Variants in AGAP1 observed in about 807,000 individuals in gnomAD.
The protein encoded by AGAP1 is arf-GAP with GTPase, ANK repeat and PH domain-containing protein 1.
Under a neutral mutation model 105.3 loss-of-function variants are expected in AGAP1, and 29 were observed. That is an observed-to-expected ratio of 0.28 (90% CI 0.21 to 0.38). AGAP1 has a LOEUF of 0.38. Ranked by LOEUF, AGAP1 falls within the 10% of genes least tolerant of loss-of-function variation. AGAP1 has a pLI of 1.00. For missense variants in AGAP1, 998 were observed against 1,165.1 expected, an observed-to-expected ratio of 0.86 and a Z score of 2.09; for synonymous variants, 509 against 485.9, an observed-to-expected ratio of 1.05 and a Z score of -0.63.
chr2:236,047,445 G>C (rs34413276), intron 15 of AGAP1, among the ~76,000 whole-genome samples: 1 of 151,246 alleles, frequency 6.6e-6, no homozygotes. Flanking sequence ...CTTCCTTCTC[G>C]TGCCACCTGT....
intron 13 of AGAP1, among the ~76,000 whole-genome samples, chr2:235,995,534 G>GA (rs942881349): frequency 1.3e-5 from 2 of 152,022 alleles, no homozygotes; most frequent in African/African-American, 2.4e-5. Context: ...ACAAAAGAAA[G>GA]AAAAAATTCT....
At chr2:235,837,851 T>G (rs1215479927) in intron 9 of AGAP1, among the ~76,000 whole-genome samples, 1 of 152,012 alleles carries the variant, frequency 6.6e-6, no homozygotes, top group East Asian at 1.9e-4. Context: ...AAAAATAGAA[T>G]AGATAAGGGA....
chr2:235,813,139 C>T (rs893906491), intron 9 of AGAP1, among the ~76,000 whole-genome samples: 20 of 152,214 alleles, frequency 1.3e-4, no homozygotes, highest in Non-Finnish European at 2.8e-4. Context: ...AAATGACAGT[C>T]ATCCGTCTTT....
At chr2:235,693,066 C>T (rs574863397) in intron 1 of AGAP1, among the ~76,000 whole-genome samples, 6 of 152,158 alleles carry the variant, frequency 3.9e-5, no homozygotes, top group East Asian at 1.9e-4. Flanking sequence ...ATGTGGGCTG[C>T]GGCAGTCACC....
chr2:235,913,264 TTA>T (rs2051707705), intron 11 of AGAP1, among the ~76,000 whole-genome samples: 2 of 152,078 alleles, frequency 1.3e-5, no homozygotes, highest in African/African-American at 4.8e-5. Context: ...ATGTATGTGT[TTA>T]TGTGTGTGAA....
chr2:236,071,525 G>A (rs2058497240), intron 16 of AGAP1, among the ~76,000 whole-genome samples: 1 of 152,204 alleles, frequency 6.6e-6, no homozygotes, highest in African/African-American at 2.4e-5. Flanking sequence ...CTGGGGCCAT[G>A]CGATCTACAG....
chr2:235,594,679 A>G (rs1016520407), intron 1 of AGAP1, among the ~76,000 whole-genome samples: 6 of 151,916 alleles, frequency 3.9e-5, no homozygotes, highest in Admixed American at 3.9e-4. Flanking sequence ...GGTTCAAGCA[A>G]TTCTGCCTTG....
At chr2:235,807,119 C>A in intron 8 of AGAP1, 120 bp from the exon 9 acceptor site, 1 of 927,276 alleles carries the variant, frequency 1.1e-6, no homozygotes, top group East Asian at 2.6e-5. Context: ...TGTCTGTGCG[C>A]ACACATAGAT....
intron 11 of AGAP1, among the ~76,000 whole-genome samples, chr2:235,917,636 G>A (rs1304851376): frequency 1.3e-5 from 2 of 152,096 alleles, no homozygotes; most frequent in African/African-American, 2.4e-5. Flanking sequence ...GAGGCTTCAC[G>A]TGGTCCTGTT....
At position 235,967,403 on chromosome 2, in the gene AGAP1, C is replaced by T. The variant is rs1454917595; in HGVS notation, c.1484-1059C>T. On this transcript the variant is annotated intron_variant, in intron 12 of 17. Transcript: ENST00000304032. The surrounding 1 kb of genome is among the most constrained non-coding windows in gnomAD (Gnocchi z 4.7). ...ATTCGGTCTTTCCCATAACTCTTAC[C>T]AGCTTCTGATGGACTCCAGGTTCTG... is the stretch of plus-strand genomic sequence containing the variant. Among the ~76,000 whole-genome samples, 4 of 152,308 alleles carry T rather than the reference C, an allele frequency of 2.6e-5. No homozygotes were observed. The highest frequency in any genetic ancestry group is 6.5e-5 in the Admixed American group (1 of 15,292).
intron 1 of AGAP1, among the ~76,000 whole-genome samples, chr2:235,496,722 T>C (rs1238701471): frequency 6.6e-6 from 1 of 151,650 alleles, no homozygotes; most frequent in African/African-American, 2.4e-5. Context: ...TTTGACTTTC[T>C]AGCAAGAGGA....
At chr2:235,695,772 C>T (rs1172639798) in intron 1 of AGAP1, among the ~76,000 whole-genome samples, 1 of 152,176 alleles carries the variant, frequency 6.6e-6, no homozygotes, top group Non-Finnish European at 1.5e-5. Context: ...CATGCGTATT[C>T]ACAGGAGCAT....
Position 235,622,199 on chromosome 2 carries a change from C to T in AGAP1, c.164-86980C>T, listed in dbSNP as rs1946506815. Among the ~76,000 whole-genome samples the T allele has an allele frequency of 6.6e-6, 1 of 152,136 alleles. No homozygotes were observed. Among genetic ancestry groups the T allele is most frequent in the African/African-American group, 2.4e-5 (1 of 41,420 alleles). Reference sequence around the variant, plus strand: ...TTTATAAAAGCTGATGTTCTTCATGCTCTTCCCAATTTTGGGAAAGGAGCC... The same window carrying T: ...TTTATAAAAGCTGATGTTCTTCATGTTCTTCCCAATTTTGGGAAAGGAGCC... On this transcript the variant is annotated intron_variant, in intron 1 of 17. Coordinates refer to ENST00000304032, the MANE Select transcript of AGAP1 (RefSeq NM_001037131.3). The surrounding 1 kb of genome is among the most constrained non-coding windows in gnomAD (Gnocchi z 5.0).
At chr2:235,937,747 G>C (rs964746325) in intron 12 of AGAP1, among the ~76,000 whole-genome samples, 9 of 152,140 alleles carry the variant, frequency 5.9e-5, no homozygotes, top group Non-Finnish European at 1.2e-4. Context: ...AGGCATTTTT[G>C]GTTGTCACAT....
In AGAP1 at chr2:235,622,612, G is replaced by A. The variant is rs368851597; in HGVS notation, c.164-86567G>A. Among the ~76,000 whole-genome samples the A allele has an allele frequency of 4.6e-5, 7 of 152,094 alleles. No individual in the cohort carries two copies. Among genetic ancestry groups the A allele is most frequent in the Admixed American group, 2.0e-4 (3 of 15,262 alleles). On this transcript the variant is annotated intron_variant, in intron 1 of 17. Transcript: ENST00000304032. The surrounding 1 kb of genome is among the most constrained non-coding windows in gnomAD (Gnocchi z 5.0). ...CAACTTTGACGCTTCAGCCAACGTCGGTTTTGAGAATGCGACCTATGAAAT... is the reference window on the plus strand; with the variant it reads ...CAACTTTGACGCTTCAGCCAACGTCAGTTTTGAGAATGCGACCTATGAAAT...
chr2:235,542,220 G>GGA, intron 1 of AGAP1, among the ~76,000 whole-genome samples: 1 of 151,524 alleles, frequency 6.6e-6, no homozygotes, highest in East Asian at 1.9e-4. Context: ...TGGGTCCCGG[G>GGA]GGGGGGCCAG....
intron 4 of AGAP1, among the ~76,000 whole-genome samples, chr2:235,743,473 T>C (rs1230007388): frequency 6.6e-6 from 1 of 152,042 alleles, no homozygotes; most frequent in East Asian, 1.9e-4. Context: ...GAAAAGGAGA[T>C]GCCTTCCGTC....
rs960251449 is a variant in AGAP1, at chr2:235,620,470, C to T, written c.164-88709C>T. Among the ~76,000 whole-genome samples the T allele has an allele frequency of 6.6e-6, 1 of 152,152 alleles. No individual in the cohort carries two copies. The highest frequency in any genetic ancestry group is 2.4e-5 in the African/African-American group (1 of 41,450). On this transcript the variant is annotated intron_variant, in intron 1 of 17. Coordinates refer to ENST00000304032, the MANE Select transcript of AGAP1 (RefSeq NM_001037131.3). This position sits in a 1 kb window ranked among gnomAD's most constrained non-coding sequence, Gnocchi z 4.5. Reference sequence around the variant, plus strand: ...TGCTGATCCTTCAACCAAATGCATGCTCCTGACCCTTACATGTCTGCACTG... The same window carrying T: ...TGCTGATCCTTCAACCAAATGCATGTTCCTGACCCTTACATGTCTGCACTG...
chr2:235,998,290 A>C (rs2055903430), intron 13 of AGAP1, among the ~76,000 whole-genome samples: 1 of 152,128 alleles, frequency 6.6e-6, no homozygotes, highest in African/African-American at 2.4e-5. Flanking sequence ...GTGTTTAGGA[A>C]GCTCTGCTCA....
Sources: gnomAD v4.1 joint callset for allele counts (sites outside exome capture counted in the v4.1 genomes callset) on GRCh38, gnomAD v4.1.1 for gene constraint, Gnocchi (gnomAD v3.1) non-coding constraint, MANE v1.5 for transcripts, NCBI Gene and HGNC (gene_info 2026-07-23, HGNC 2026-07-21) for gene names.